SDK2: variants seen among roughly 807,000 people sequenced by gnomAD.
SDK2 encodes the protein protein sidekick-2.
In SDK2, 105 loss-of-function variants were observed where a neutral mutation model predicts 253.9. The ratio of observed to expected loss-of-function variants is 0.41; its 90% CI spans 0.35 to 0.49. The LOEUF (loss-of-function observed/expected upper bound fraction) is 0.49, where lower values mean the gene tolerates loss of function less well. Ranked by LOEUF, SDK2 falls within the 20% of genes least tolerant of loss-of-function variation. The pLI is 0.06. For synonymous variants in SDK2, 1,249 were observed against 1,234.9 expected (o/e 1.01, Z -0.24); for missense variants, 2,608 against 3,003.0 (o/e 0.87, Z 3.07).
chr17:73,357,709 G>A (rs1362804155), intron 40 of SDK2: 4 of 331,246 alleles, frequency 1.2e-5, no homozygotes, highest in South Asian at 2.7e-5. Context: ...ACAGGGCTTC[G>A]AGAGGCAGCC....
At chr17:73,388,792 CT>C (rs1221333112) in intron 29 of SDK2, among the ~76,000 whole-genome samples, 11 of 54,382 alleles carry the variant, frequency 2.0e-4, no homozygotes, top group South Asian at 1.1e-3. Context: ...CCTTCCTTCC[CT>C]CCCTCCTTCC....
rs746444167 is a variant in SDK2, at chr17:73,336,614, C to G, written c.*1973G>C. The G allele has an allele frequency of 6.5e-6, 1 of 152,684 alleles. No homozygotes were observed. Among genetic ancestry groups the G allele is most frequent in the African/African-American group, 2.4e-5 (1 of 41,452 alleles). 9.5% of individuals were successfully genotyped at this position (152,684 alleles called of 1,614,324 possible). On this transcript the variant is annotated 3_prime_UTR_variant, in exon 45 of 45. Coordinates refer to ENST00000392650, the MANE Select transcript of SDK2 (RefSeq NM_001144952.2). ...GGCCCCAGACCCTGACTTCCCTTCC[C>G]GGTCACCATTAGCACAGTGACTGAC...
chr17:73,429,300 A>G (rs1313192492), intron 12 of SDK2, among the ~76,000 whole-genome samples: 1 of 152,238 alleles, frequency 6.6e-6, no homozygotes, highest in Non-Finnish European at 1.5e-5. Context: ...TTAAACCCAG[A>G]AATAAGCATA....
chr17:73,415,764 C>A, intron 17 of SDK2, 47 bp downstream of exon 17: 1 of 1,498,762 alleles, frequency 6.7e-7, no homozygotes, highest in South Asian at 1.2e-5. Context: ...GCTAGGATTA[C>A]ACGCATGAGC....
intron 2 of SDK2, among the ~76,000 whole-genome samples, chr17:73,483,505 GTGTGTA>G (rs1252812320): frequency 1.0e-4 from 10 of 99,728 alleles, no homozygotes; most frequent in African/African-American, 3.4e-4. Context: ...GTGTGTGTGT[GTGTGTA>G]TGTGTGTGTG....
chr17:73,492,359 T>C (rs1384762347), intron 2 of SDK2, among the ~76,000 whole-genome samples: 2 of 152,086 alleles, frequency 1.3e-5, no homozygotes. Flanking sequence ...CCCAGGCCCA[T>C]GGTGTTTGAG....
intron 38 of SDK2, 130 bp downstream of exon 38, chr17:73,365,128 T>G: frequency 3.2e-6 from 2 of 615,472 alleles, no homozygotes; most frequent in Non-Finnish European, 5.0e-6. Flanking sequence ...GGGACTCAGT[T>G]TCCGTGTTTA....
At chr17:73,615,687 G>A (rs2046044166) in intron 1 of SDK2, among the ~76,000 whole-genome samples, 1 of 152,222 alleles carries the variant, frequency 6.6e-6, no homozygotes, top group Admixed American at 6.5e-5. Flanking sequence ...CCCAGGGTGA[G>A]GATGTGGGAA....
chr17:73,386,704 C>A (rs1049176327), intron 30 of SDK2, among the ~76,000 whole-genome samples, 156 bp from the exon 31 acceptor site: 1 of 152,322 alleles, frequency 6.6e-6, no homozygotes, highest in East Asian at 1.9e-4. Flanking sequence ...CAGAAAGGAG[C>A]TTTGCTGCAA....
At chr17:73,549,969 A>G (rs34439450) in intron 1 of SDK2, among the ~76,000 whole-genome samples, 5,215 of 152,094 alleles carry the variant, frequency 0.034, 123 homozygotes, top group Non-Finnish European at 0.048. Flanking sequence ...GTGGGTGAGG[A>G]CCGCCGGGGG....
intron 2 of SDK2, among the ~76,000 whole-genome samples, chr17:73,506,365 C>A (rs1041465867): frequency 7.9e-5 from 12 of 152,166 alleles, no homozygotes; most frequent in African/African-American, 2.9e-4. Context: ...CTCCCCTCTG[C>A]AGGAGGGGAG....
intron 5 of SDK2, among the ~76,000 whole-genome samples, chr17:73,446,409 C>G (rs1018312633): frequency 3.9e-5 from 6 of 152,098 alleles, no homozygotes; most frequent in African/African-American, 9.7e-5. Flanking sequence ...GGGTCAGTCT[C>G]CAGAATGAAA....
chr17:73,442,784 A>T (rs1177627535), intron 5 of SDK2, among the ~76,000 whole-genome samples: 1 of 152,090 alleles, frequency 6.6e-6, no homozygotes, highest in African/African-American at 2.4e-5. Context: ...CGATGATTGA[A>T]ATGAACAAGA....
chr17:73,611,750 C>G (rs547274078), intron 1 of SDK2, among the ~76,000 whole-genome samples: 4 of 152,262 alleles, frequency 2.6e-5, no homozygotes, highest in African/African-American at 9.6e-5. Context: ...CCACTCCACG[C>G]TCCTCCTATT....
At chr17:73,584,562 A>G (rs565654943) in intron 1 of SDK2, among the ~76,000 whole-genome samples, 8 of 152,322 alleles carry the variant, frequency 5.3e-5, no homozygotes, top group South Asian at 4.1e-4. Context: ...GTCAGCCCCT[A>G]GCACGTACCC....
At chr17:73,571,273 G>A (rs901462211) in intron 1 of SDK2, among the ~76,000 whole-genome samples, 4 of 152,190 alleles carry the variant, frequency 2.6e-5, no homozygotes, top group Non-Finnish European at 5.9e-5. Flanking sequence ...GGCTAAGGAG[G>A]GTGACAGAGG....
At chr17:73,380,762 T>C in intron 34 of SDK2, 132 bp downstream of exon 34, 4 of 764,256 alleles carry the variant, frequency 5.2e-6, no homozygotes, top group Non-Finnish European at 9.3e-6. Context: ...GTGTTCAGGG[T>C]AGTCCCGTTT....
Position 73,435,362 on chromosome 17 carries a change from G to A in SDK2, c.1195+88C>T. 7.6e-7 allele frequency: 1 copy of A among 1,314,826 alleles called. No homozygotes were observed. The highest frequency in any genetic ancestry group is 2.6e-5 in the East Asian group (1 of 39,198). 81.4% of individuals were successfully genotyped at this position (1,314,826 alleles called of 1,614,324 possible). ...CTATCTGCTTAATGGAACGTGCTATGCACAAGAGGCCCCTCGGAAGACCTT... is the reference window on the plus strand; with the variant it reads ...CTATCTGCTTAATGGAACGTGCTATACACAAGAGGCCCCTCGGAAGACCTT... On this transcript the variant is annotated intron_variant, in intron 9 of 44. Transcript: ENST00000392650. This position sits in a 1 kb window ranked among gnomAD's most constrained non-coding sequence, Gnocchi z 5.7.
Position 73,435,727 on chromosome 17 carries a change from C to T in SDK2, c.1001-83G>A. ...AGGGGTGCTTGGGAGGAGGCCGGGC[C>T]CGGAAATCTGCGAGGGGGTCCCTGG... On this transcript the variant is annotated intron_variant, in intron 8 of 44. Transcript: ENST00000392650. This position sits in a 1 kb window ranked among gnomAD's most constrained non-coding sequence, Gnocchi z 5.7. 7.6e-7 allele frequency: 1 copy of T among 1,311,086 alleles called. No individual in the cohort carries two copies. The highest frequency in any genetic ancestry group is 1.0e-6 in the Non-Finnish European group (1 of 973,990). 81.2% of individuals were successfully genotyped at this position (1,311,086 alleles called of 1,614,324 possible).
Sources: gnomAD v4.1 joint callset for allele counts (sites outside exome capture counted in the v4.1 genomes callset) on GRCh38, gnomAD v4.1.1 for gene constraint, Gnocchi (gnomAD v3.1) non-coding constraint, MANE v1.5 for transcripts, NCBI Gene and HGNC (gene_info 2026-07-23, HGNC 2026-07-21) for gene names.